Variants in RTN1 observed in about 807,000 individuals in gnomAD.
RTN1 encodes reticulon-1.
A neutral mutation model predicts 65.5 loss-of-function variants in RTN1; 25 were observed. The observed-to-expected ratio is 0.38, with a 90% CI of 0.28 to 0.53. The LOEUF (loss-of-function observed/expected upper bound fraction) is 0.53. Ranked by LOEUF, RTN1 falls within the 20% of genes least tolerant of loss-of-function variation. RTN1 has a pLI of 0.79. For synonymous variants in RTN1, 471 were observed against 447.6 expected (o/e 1.05, Z -0.66); for missense variants, 983 against 1,025.4 (o/e 0.96, Z 0.57).
chr14:59,749,210 CTATATA>C lies in RTN1; in HGVS notation c.242-2735_242-2730del, dbSNP rs1178952993. The stretch of plus-strand genomic sequence containing the variant: ...TATCTATATATATCTATATATATAT[CTATATA>C]TATCTATATATCTATATATATCTAT... On this transcript the variant is annotated intron_variant, in intron 1 of 8. Coordinates refer to ENST00000267484, the MANE Select transcript of RTN1 (RefSeq NM_021136.3). 3.8e-4 allele frequency among the ~76,000 whole-genome samples: 24 copies of C among 63,534 alleles called. 2 individuals carry two copies. The highest frequency in any genetic ancestry group is 2.3e-3 in the African/African-American group (20 of 8,752). The allele number at this position is 63,534 out of a possible 152,430, so 41.7% of individuals were successfully genotyped here.
At chr14:59,629,046 T>C (rs1294036177) in intron 3 of RTN1, among the ~76,000 whole-genome samples, 1 of 152,230 alleles carries the variant, frequency 6.6e-6, no homozygotes. Context: ...AGAACAAGAA[T>C]AAAATGTTAC....
At chr14:59,710,674 C>T (rs1003826885) in intron 3 of RTN1, among the ~76,000 whole-genome samples, 26 of 152,182 alleles carry the variant, frequency 1.7e-4, no homozygotes, top group Admixed American at 7.2e-4. Flanking sequence ...CCTGCCATGG[C>T]CATGCACTAC....
rs567185786 is a variant in RTN1, at chr14:59,816,857, T to C, written c.241+53533A>G. ...CTAAGGTGGGAGGATCACCTGAGCC[T>C]GAGAGGCGGAGGTTGCAGTGAGTCG... On this transcript the variant is annotated intron_variant, in intron 1 of 8. Transcript: ENST00000267484. This position sits in a 1 kb window ranked among gnomAD's most constrained non-coding sequence, Gnocchi z 4.3. Among the ~76,000 whole-genome samples the C allele has an allele frequency of 3.3e-5, 5 of 152,244 alleles. No homozygotes were observed. In the South Asian group the frequency reaches 1.0e-3, roughly 32 times the overall value.
At chr14:59,853,535 T>G (rs962687761) in intron 1 of RTN1, among the ~76,000 whole-genome samples, 3 of 152,198 alleles carry the variant, frequency 2.0e-5, no homozygotes, top group Non-Finnish European at 4.4e-5. Context: ...AGATTTCTAC[T>G]ATGACTTCTA....
intron 1 of RTN1, among the ~76,000 whole-genome samples, chr14:59,759,902 G>A (rs539768480): frequency 7.9e-5 from 12 of 152,182 alleles, no homozygotes; most frequent in Non-Finnish European, 1.3e-4. Context: ...ACTAGGAGGA[G>A]GCTGGGAGGA....
intron 1 of RTN1, among the ~76,000 whole-genome samples, chr14:59,785,323 A>C (rs1321495702): frequency 2.6e-5 from 4 of 152,186 alleles, no homozygotes; most frequent in Admixed American, 2.6e-4. Context: ...ATTGATTTTT[A>C]ATTTTCTATT....
intron 1 of RTN1, among the ~76,000 whole-genome samples, chr14:59,822,557 G>C (rs1886961957): frequency 6.6e-6 from 1 of 152,050 alleles, no homozygotes; most frequent in Admixed American, 6.6e-5. Flanking sequence ...CCAAGCTTTG[G>C]GGTTGGTTTG....
At chr14:59,860,857 T>C (rs111842983) in intron 1 of RTN1, among the ~76,000 whole-genome samples, 32,628 of 152,178 alleles carry the variant, frequency 0.21, 3,913 homozygotes, top group East Asian at 0.5. Flanking sequence ...ATGGGGACTG[T>C]AGCCCCTTTG....
At chr14:59,841,637 G>A (rs1422969085) in intron 1 of RTN1, among the ~76,000 whole-genome samples, 2 of 151,446 alleles carry the variant, frequency 1.3e-5, no homozygotes, top group Non-Finnish European at 2.9e-5. Context: ...AACCCAGGAG[G>A]CAGAGGATGC....
intron 4 of RTN1, chr14:59,605,733 T>G: frequency 2.3e-6 from 1 of 434,926 alleles, no homozygotes; most frequent in Non-Finnish European, 4.1e-6. Flanking sequence ...TGTGACTGTT[T>G]CTGGCTACCT....
rs117940182 is a variant in RTN1, at chr14:59,758,383, G to A, written c.242-11902C>T. Among the ~76,000 whole-genome samples, 247 of 152,242 alleles carry A rather than the reference G, an allele frequency of 1.6e-3. 1 individual carries two copies. Among genetic ancestry groups the A allele is most frequent in the Non-Finnish European group, 3.1e-3 (208 of 68,016 alleles). On this transcript the variant is annotated intron_variant, in intron 1 of 8. Coordinates refer to ENST00000267484, the MANE Select transcript of RTN1 (RefSeq NM_021136.3). ...TGCCCATCCCTTGGCTTAGAATTCA[G>A]GATCCTCTTCAGCAGGGTCCCAGCC...
At chr14:59,685,216 G>C (rs1045408253) in intron 3 of RTN1, among the ~76,000 whole-genome samples, 1 of 152,078 alleles carries the variant, frequency 6.6e-6, no homozygotes, top group African/African-American at 2.4e-5. Flanking sequence ...ACATCATACC[G>C]AACGGGAAAA....
At chr14:59,750,456 TATATATCTATAATATATA>T (rs1566713886) in intron 1 of RTN1, among the ~76,000 whole-genome samples, 6 of 27,564 alleles carry the variant, frequency 2.2e-4, no homozygotes, top group Admixed American at 1.4e-3. Context: ...ATCTATAATA[TATATATCTATAATATATA>T]ATATATCTAT....
In RTN1 at chr14:59,870,391, T is replaced by C. The variant is rs745530137; in HGVS notation, c.240A>G (p.Thr80=). The change falls in exon 1 of 9, where the codon ACA becomes ACG. Residue 80 remains threonine (T), a splice_region_variant and synonymous_variant. Coordinates refer to ENST00000267484, the MANE Select transcript of RTN1 (RefSeq NM_021136.3). The surrounding 1 kb of genome is among the most constrained non-coding windows in gnomAD (Gnocchi z 5.1). ...GAGGGGCAGCGGCGCCCGCCTTACCTGTGGATGCAGTTTCCATGGCAACGG... is the reference window on the plus strand; with the variant it reads ...GAGGGGCAGCGGCGCCCGCCTTACCCGTGGATGCAGTTTCCATGGCAACGG... ...QSPVAMETAS[T]GVAGVSSAMD... 3 of 1,519,778 alleles carry C rather than the reference T, an allele frequency of 2.0e-6. No homozygotes were observed. The highest frequency in any genetic ancestry group is 2.1e-5 in the Admixed American group (1 of 47,748). The allele number at this position is 1,519,778 out of a possible 1,614,324, so 94.1% of individuals were successfully genotyped here.
chr14:59,862,544 A>C (rs779343541), intron 1 of RTN1, among the ~76,000 whole-genome samples: 1 of 152,170 alleles, frequency 6.6e-6, no homozygotes, highest in Non-Finnish European at 1.5e-5. Context: ...CCCTGCCAGC[A>C]TATACAATCC....
intron 3 of RTN1, among the ~76,000 whole-genome samples, chr14:59,694,339 G>C (rs897006113): frequency 6.6e-6 from 1 of 152,174 alleles, no homozygotes; most frequent in Non-Finnish European, 1.5e-5. Context: ...TGTGGGAAGA[G>C]GGGGAGAACT....
intron 1 of RTN1, among the ~76,000 whole-genome samples, chr14:59,814,808 G>A (rs1197942456): frequency 6.6e-6 from 1 of 152,196 alleles, no homozygotes; most frequent in Non-Finnish European, 1.5e-5. Context: ...CACAGCTGAG[G>A]AGGACAGCCA....
intron 1 of RTN1, among the ~76,000 whole-genome samples, chr14:59,819,918 C>T (rs1003056441): frequency 1.3e-5 from 2 of 152,154 alleles, no homozygotes; most frequent in African/African-American, 4.8e-5. Flanking sequence ...TTCCCGCCTG[C>T]GCCTCTCCCT....
intron 3 of RTN1, among the ~76,000 whole-genome samples, chr14:59,723,032 A>T (rs1884678964): frequency 6.6e-6 from 1 of 152,110 alleles, no homozygotes; most frequent in Admixed American, 6.6e-5. Flanking sequence ...TCCTGGGCTC[A>T]AGTGATTCAC....
Sources: gnomAD v4.1 joint callset for allele counts (sites outside exome capture counted in the v4.1 genomes callset) on GRCh38, gnomAD v4.1.1 for gene constraint, Gnocchi (gnomAD v3.1) non-coding constraint, MANE v1.5 for transcripts, NCBI Gene and HGNC (gene_info 2026-07-23, HGNC 2026-07-21) for gene names.